The following TPD52L1 variants were observed in gnomAD, a reference collection of about 807,000 sequenced individuals.
TPD52L1 encodes the protein tumor protein D53.
Under a neutral mutation model 28.7 loss-of-function variants are expected in TPD52L1, and 18 were observed. The observed-to-expected ratio is 0.63, with a 90% CI of 0.43 to 0.93. The LOEUF is 0.93. Ranked by LOEUF, TPD52L1 falls within the 40% of genes least tolerant of loss-of-function variation. The probability of loss-of-function intolerance (pLI) is 0.00; values close to 1 mark genes in which losing one functional copy is unlikely to be tolerated. For missense variants in TPD52L1, 203 were observed against 254.8 expected (o/e 0.80, Z 1.39); for synonymous variants, 75 against 88.8 (o/e 0.84, Z 0.88).
chr6:125,260,399 G>T (rs1385287843), intron 6 of TPD52L1: 1 of 152,120 alleles, frequency 6.6e-6, no homozygotes, highest in East Asian at 1.9e-4. Context: ...GCTGAGAATG[G>T]CTTTACATTT....
chr6:125,178,153 C>T (rs1229387082), intron 1 of TPD52L1, among the ~76,000 whole-genome samples: 1 of 152,100 alleles, frequency 6.6e-6, no homozygotes, highest in Non-Finnish European at 1.5e-5. Flanking sequence ...TGTCACAAAA[C>T]GACTAGTTCT....
At position 125,262,894 on chromosome 6, in the gene TPD52L1, G is replaced by A. The variant is rs762758855; in HGVS notation, c.547G>A (p.Ala183Thr). 8.1e-6 allele frequency: 13 copies of A among 1,614,200 alleles called. No individual in the cohort carries two copies. In the Admixed American group the frequency reaches 1.2e-4, roughly 14 times the overall value. The change falls in exon 7 of 7, where the codon GCC becomes ACC. Residue 183 changes from alanine to threonine, a missense_variant. Physicochemically the swap from Ala to Thr is moderately conservative, Grantham distance 58. Coordinates refer to ENST00000534000, the MANE Select transcript of TPD52L1 (RefSeq NM_003287.4). ...GSFEEVLSST[A>T]HASAQSLAGG... The stretch of plus-strand genomic sequence containing the variant: ...TTTTGAGGAGGTCCTCAGCTCCACG[G>A]CCCATGCCAGTGCCCAGAGCTTGGC...
chr6:125,260,633 CAT>C (rs1270864009), intron 6 of TPD52L1, among the ~76,000 whole-genome samples: 5 of 151,818 alleles, frequency 3.3e-5, no homozygotes, highest in African/African-American at 1.2e-4. Flanking sequence ...GTTGAAACCC[CAT>C]CTCTACTAAA....
chr6:125,191,310 G>T (rs944660079), intron 1 of TPD52L1, among the ~76,000 whole-genome samples: 1 of 152,124 alleles, frequency 6.6e-6, no homozygotes, highest in South Asian at 2.1e-4. Flanking sequence ...CCTGTATGTC[G>T]CTCATTGTCC....
At chr6:125,251,014 T>C (rs1278770154) in intron 4 of TPD52L1, among the ~76,000 whole-genome samples, 2 of 152,216 alleles carry the variant, frequency 1.3e-5, no homozygotes. Context: ...TAAATGAGAA[T>C]AACTCTTTGT....
At chr6:125,259,218 C>T (rs1037767294) in intron 6 of TPD52L1, among the ~76,000 whole-genome samples, 11 of 152,118 alleles carry the variant, frequency 7.2e-5, no homozygotes, top group African/African-American at 2.4e-4. Flanking sequence ...ATTCACATGC[C>T]CTGCTTTCAA....
intron 1 of TPD52L1, among the ~76,000 whole-genome samples, chr6:125,158,027 G>A (rs1408111096): frequency 6.6e-6 from 1 of 152,014 alleles, no homozygotes; most frequent in Admixed American, 6.6e-5. Flanking sequence ...CAATCTCTCT[G>A]TCTCCGTGGT....
At chr6:125,174,013 A>C (rs1258421701) in intron 1 of TPD52L1, among the ~76,000 whole-genome samples, 3 of 152,182 alleles carry the variant, frequency 2.0e-5, no homozygotes, top group Non-Finnish European at 4.4e-5. Flanking sequence ...GCAGTCCCTT[A>C]TTAGCGATGT....
intron 1 of TPD52L1, among the ~76,000 whole-genome samples, chr6:125,198,953 G>A (rs1793622067): frequency 6.6e-6 from 1 of 152,120 alleles, no homozygotes; most frequent in Non-Finnish European, 1.5e-5. Context: ...GAGAAATCCG[G>A]CGAAATGGTC....
At chr6:125,225,451 C>A (rs961795348) in intron 2 of TPD52L1, among the ~76,000 whole-genome samples, 1 of 152,150 alleles carries the variant, frequency 6.6e-6, no homozygotes, top group African/African-American at 2.4e-5. Context: ...AGTGGCGGAA[C>A]TATTTTACAT....
At chr6:125,249,093 A>T (rs1265051002) in intron 4 of TPD52L1, among the ~76,000 whole-genome samples, 5 of 151,572 alleles carry the variant, frequency 3.3e-5, no homozygotes, top group Admixed American at 2.6e-4. Flanking sequence ...GAAAAAAAAA[A>T]TGTAGTATTG....
intron 1 of TPD52L1, chr6:125,154,617 G>A (rs2072472754): frequency 2.4e-6 from 2 of 839,152 alleles, no homozygotes; most frequent in African/African-American, 1.9e-5. Context: ...CCTGCTCCCG[G>A]GGCTGCCTGC....
Position 125,154,597 on chromosome 6 carries a change from C to G in TPD52L1, c.19+627C>G, listed in dbSNP as rs1003964565. 5.3e-6 allele frequency: 5 copies of G among 936,070 alleles called. No individual in the cohort carries two copies. In the African/African-American group the frequency reaches 8.9e-5, roughly 17 times the overall value. The allele number at this position is 936,070 out of a possible 1,614,324, so 58.0% of individuals were successfully genotyped here. A position where few individuals can be genotyped will look rare whatever the true frequency, so the allele number is the denominator to read the frequency against. ...TCCCGTGGCGCGCGGGGCCCCCGGC[C>G]GCCCAGCTCCCTGCTCCCGGGGCTG... is the stretch of plus-strand genomic sequence containing the variant. On this transcript the variant is annotated intron_variant, in intron 1 of 6. Transcript: ENST00000534000.
At chr6:125,180,897 T>C (rs1308642432) in intron 1 of TPD52L1, among the ~76,000 whole-genome samples, 1 of 148,954 alleles carries the variant, frequency 6.7e-6, no homozygotes, top group African/African-American at 2.5e-5. Context: ...TAGGTCTTTA[T>C]GTTTGCTGAA....
intron 1 of TPD52L1, among the ~76,000 whole-genome samples, chr6:125,190,496 A>G (rs906423446): frequency 3.3e-5 from 5 of 152,124 alleles, no homozygotes; most frequent in Non-Finnish European, 7.3e-5. Flanking sequence ...GTTTTTCCAC[A>G]GACGAAGGTT....
intron 1 of TPD52L1, among the ~76,000 whole-genome samples, chr6:125,189,648 G>A (rs2114852110): frequency 6.6e-6 from 1 of 152,234 alleles, no homozygotes; most frequent in Non-Finnish European, 1.5e-5. Flanking sequence ...TGTGGGTGTT[G>A]TCAAAAGAGA....
chr6:125,212,938 C>T (rs558669564), intron 1 of TPD52L1, among the ~76,000 whole-genome samples: 20 of 152,260 alleles, frequency 1.3e-4, no homozygotes, highest in African/African-American at 4.1e-4. Context: ...ACCTGGCCAA[C>T]GGAGAAGTGC....
intron 1 of TPD52L1, among the ~76,000 whole-genome samples, chr6:125,184,187 T>A (rs1209203552): frequency 6.6e-6 from 1 of 152,180 alleles, no homozygotes; most frequent in East Asian, 1.9e-4. Flanking sequence ...ACATTGATGC[T>A]ACCATAGCAA....
At chr6:125,185,087 T>A (rs189496862) in intron 1 of TPD52L1, among the ~76,000 whole-genome samples, 1 of 152,250 alleles carries the variant, frequency 6.6e-6, no homozygotes, top group Non-Finnish European at 1.5e-5. Context: ...AATGAAAGCA[T>A]AAAATAGTAG....
Sources: gnomAD v4.1 joint callset for allele counts (sites outside exome capture counted in the v4.1 genomes callset) on GRCh38, gnomAD v4.1.1 for gene constraint, MANE v1.5 for transcripts, NCBI Gene and HGNC (gene_info 2026-07-23, HGNC 2026-07-21) for gene names.